GIPC2: variants seen among roughly 807,000 people sequenced by gnomAD.
GIPC2 encodes the protein GIPC PDZ domain containing family member 2.
A neutral mutation model predicts 30.6 loss-of-function variants in GIPC2; 30 were observed. The observed-to-expected ratio is 0.98, with a 90% CI of 0.73 to 1.33. GIPC2 has a LOEUF of 1.33. GIPC2 is among the 40% of genes most tolerant of loss of function. The pLI, the probability that GIPC2 is intolerant of heterozygous loss-of-function variation, is 0.00. For synonymous variants in GIPC2, 167 were observed against 150.0 expected, an observed-to-expected ratio of 1.11 and a Z score of -0.83; for missense variants, 414 against 390.3, an observed-to-expected ratio of 1.06 and a Z score of -0.51.
intron 2 of GIPC2, among the ~76,000 whole-genome samples, chr1:78,091,335 C>T (rs1429738177): frequency 1.3e-5 from 2 of 152,242 alleles, no homozygotes. Context: ...CAACACAAAT[C>T]TCAAAGTTGC....
In GIPC2 at chr1:78,077,346, G is replaced by T. The variant is rs187199257; in HGVS notation, c.241-3329G>T. 1.2e-4 allele frequency among the ~76,000 whole-genome samples: 18 copies of T among 152,152 alleles called. No homozygotes were observed. The East Asian group carries it at 2.1e-3, about 18-fold the overall frequency. ...AATTCAGCTATTTCTTCTTACTTTT[G>T]TTACTGTGACTATTAGAAAATTTAA... On this transcript the variant is annotated intron_variant, in intron 1 of 5. Transcript: ENST00000370759.
chr1:78,125,115 C>A (rs912664519), intron 4 of GIPC2, among the ~76,000 whole-genome samples: 1 of 152,146 alleles, frequency 6.6e-6, no homozygotes. Flanking sequence ...ACTACAGCCT[C>A]GTCATCCTGG....
chr1:78,087,725 C>T (rs1437239149), intron 2 of GIPC2, among the ~76,000 whole-genome samples: 1 of 152,114 alleles, frequency 6.6e-6, no homozygotes, highest in South Asian at 2.1e-4. Context: ...GACAAAGACA[C>T]CAAAGCAATC....
intron 2 of GIPC2, among the ~76,000 whole-genome samples, chr1:78,090,741 T>A (rs930172744): frequency 6.6e-6 from 1 of 152,156 alleles, no homozygotes; most frequent in Non-Finnish European, 1.5e-5. Flanking sequence ...ATTTCTAACA[T>A]TTTACTTGTT....
intron 1 of GIPC2, among the ~76,000 whole-genome samples, chr1:78,060,263 G>T (rs1367857941): frequency 6.6e-6 from 1 of 151,564 alleles, no homozygotes; most frequent in East Asian, 1.9e-4. Flanking sequence ...TCCCACCTCA[G>T]CCTCCCAAGT....
chr1:78,121,912 A>C (rs747496977), intron 4 of GIPC2, among the ~76,000 whole-genome samples: 14 of 152,222 alleles, frequency 9.2e-5, no homozygotes, highest in Non-Finnish European at 1.6e-4. Context: ...GGAGAATGTC[A>C]GCTCTGCCTT....
chr1:78,107,748 C>T (rs1662385642), intron 3 of GIPC2, among the ~76,000 whole-genome samples: 2 of 141,288 alleles, frequency 1.4e-5, no homozygotes, highest in Non-Finnish European at 3.0e-5. Flanking sequence ...TCACTTGAAC[C>T]TGGGAGGTGG....
At chr1:78,096,929 G>T (rs6661711) in intron 3 of GIPC2, among the ~76,000 whole-genome samples, 4,623 of 152,210 alleles carry the variant, frequency 0.03, 220 homozygotes, top group African/African-American at 0.11. Flanking sequence ...CATTTTCTGT[G>T]CTGTGGATTG....
At chr1:78,088,721 A>G (rs1166333518) in intron 2 of GIPC2, among the ~76,000 whole-genome samples, 1 of 151,876 alleles carries the variant, frequency 6.6e-6, no homozygotes, top group Non-Finnish European at 1.5e-5. Flanking sequence ...GCATGCACCT[A>G]TAGTACCAGC....
In GIPC2 at chr1:78,095,097, T is replaced by C. The variant is rs773307477; in HGVS notation, c.572T>C (p.Phe191Ser). The C allele has an allele frequency of 6.2e-7, 1 of 1,612,908 alleles. No individual in the cohort carries two copies. The highest frequency in any genetic ancestry group is 1.3e-5 in the African/African-American group (1 of 74,782). The change falls in exon 3 of 6, where the codon TTT becomes TCT. Residue 191 changes from phenylalanine to serine, a missense_variant. Transcript: ENST00000370759. ...AAGGAATTAAAAAAGGAGGAACTCT[T>C]TACTATGAAGTTAATAGAACCTAAG... is the stretch of plus-strand genomic sequence containing the variant. ...KLKELKKEEL[F>S]TMKLIEPKKA...
At chr1:78,086,427 G>C (rs1661928807) in intron 2 of GIPC2, among the ~76,000 whole-genome samples, 1 of 152,078 alleles carries the variant, frequency 6.6e-6, no homozygotes. Flanking sequence ...GTTCTATAGA[G>C]GTCTTTCAGA....
At chr1:78,121,088 C>T (rs1277539440) in intron 4 of GIPC2, among the ~76,000 whole-genome samples, 1 of 152,064 alleles carries the variant, frequency 6.6e-6, no homozygotes, top group Admixed American at 6.6e-5. Flanking sequence ...GGATTTTTCC[C>T]TTTGAATGAC....
At chr1:78,125,803 C>A in intron 4 of GIPC2, 78 bp from the exon 5 acceptor site, 1 of 760,046 alleles carries the variant, frequency 1.3e-6, no homozygotes, top group Non-Finnish European at 2.3e-6. Context: ...GGCTCCACAT[C>A]AGGCTTTCTC....
intron 5 of GIPC2, among the ~76,000 whole-genome samples, chr1:78,132,255 T>C (rs1051014433): frequency 6.6e-6 from 1 of 152,150 alleles, no homozygotes; most frequent in African/African-American, 2.4e-5. Flanking sequence ...TAATAATGGG[T>C]GTAGGTATTA....
chr1:78,094,824 A>G (rs1662105854), intron 2 of GIPC2, 128 bp from the exon 3 acceptor site: 2 of 597,380 alleles, frequency 3.3e-6, no homozygotes, highest in Admixed American at 2.8e-5. Context: ...AGCATCTGAT[A>G]TTCCCAGGCA....
chr1:78,105,756 C>CTA (rs1231129436), intron 3 of GIPC2, among the ~76,000 whole-genome samples: 1 of 152,024 alleles, frequency 6.6e-6, no homozygotes, highest in Non-Finnish European at 1.5e-5. Flanking sequence ...AATAGTATGA[C>CTA]TATAATGTTA....
At chr1:78,101,080 C>T (rs1662242191) in intron 3 of GIPC2, among the ~76,000 whole-genome samples, 1 of 151,882 alleles carries the variant, frequency 6.6e-6, no homozygotes, top group Non-Finnish European at 1.5e-5. Flanking sequence ...GAAATAGATT[C>T]AATCACTGAG....
At chr1:78,045,925 C>T, upstream of GIPC2, 2 of 1,343,338 alleles carry the variant, frequency 1.5e-6, no homozygotes, top group Non-Finnish European at 1.9e-6. Context: ...GCGGCTGCTC[C>T]GGTCCAGGGG....
At chr1:78,097,457 A>G (rs1458503275) in intron 3 of GIPC2, among the ~76,000 whole-genome samples, 1 of 152,144 alleles carries the variant, frequency 6.6e-6, no homozygotes, top group Non-Finnish European at 1.5e-5. Context: ...CAACTTCCCT[A>G]AAGACTTAGC....
Sources: allele counts gnomAD v4.1 joint callset (sites outside exome capture counted in the v4.1 genomes callset), GRCh38; gene constraint gnomAD v4.1.1; transcripts MANE v1.5; gene names NCBI Gene and HGNC (gene_info 2026-07-23, HGNC 2026-07-21).